The following DCHS1 variants were observed in gnomAD, a reference collection of about 807,000 sequenced individuals.
DCHS1 encodes the protein dachsous cadherin-related 1, also known as protocadherin-16.
In DCHS1, 78 loss-of-function variants were observed where a neutral mutation model predicts 213.9. The ratio of observed to expected loss-of-function variants is 0.36; its 90% CI spans 0.30 to 0.44. The LOEUF is 0.44. Among genes scored for constraint, DCHS1 ranks in the 20% least tolerant of loss-of-function variants. DCHS1 has a pLI of 1.00. For synonymous variants in DCHS1, 1,828 were observed against 1,873.7 expected (o/e 0.98, Z 0.63); for missense variants, 3,946 against 4,395.9 (o/e 0.90, Z 2.89).
Position 6,623,347 on chromosome 11 carries a change from G to T in DCHS1, c.8329C>A (p.His2777Asn). The T allele has an allele frequency of 6.3e-7, 1 of 1,596,472 alleles. No individual in the cohort carries two copies. Residue 2777 changes from histidine (H) to asparagine (N), a missense_variant, in exon 21 of 21, where the codon CAC (histidine) becomes AAC (asparagine). Physicochemically the swap from His to Asn is moderately conservative, Grantham distance 68. Coordinates refer to ENST00000299441, the MANE Select transcript of DCHS1 (RefSeq NM_003737.4). ...ACCAGCAGCCGGAAGCTTTCTGTGT[G>T]CTCATAGTCAAAGGGCACTCGCGCA... ...LRARVPFDYEHTESFRLLVGA... is the reference protein window; with the variant it reads ...LRARVPFDYENTESFRLLVGA...
At position 6,641,025 on chromosome 11, in the gene DCHS1, G is replaced by A; in HGVS notation, c.589C>T (p.Pro197Ser). 3 of 1,613,998 alleles carry A rather than the reference G, an allele frequency of 1.9e-6. No homozygotes were observed. Among genetic ancestry groups the A allele is most frequent in the Non-Finnish European group, 2.5e-6 (3 of 1,179,896 alleles). Residue 197 changes from proline to serine, a missense_variant, in exon 2 of 21, where the codon CCC becomes TCC. Pro to Ser is a moderately conservative substitution (Grantham distance 74). Around this residue, in one of 3 missense-constraint regions of DCHS1, gnomAD observed 3,384 missense variants for 3,780.1 expected, o/e 0.90. Transcript: ENST00000299441. The surrounding 1 kb of genome is among the most constrained non-coding windows in gnomAD (Gnocchi z 7.1). ...AGETFRLETR[P>S]GPDGTPVPEL... ...GGTACTGGAGTCCCATCTGGACCGGGGCGTGTCTCCAGCCGGAAGGTCTCT... is the reference window on the plus strand; with the variant it reads ...GGTACTGGAGTCCCATCTGGACCGGAGCGTGTCTCCAGCCGGAAGGTCTCT...
At chr11:6,648,590 TG>T (rs1856200769) in intron 1 of DCHS1, among the ~76,000 whole-genome samples, 1 of 152,174 alleles carries the variant, frequency 6.6e-6, no homozygotes, top group South Asian at 2.1e-4. Flanking sequence ...CACCAATACA[TG>T]CTTACTACAC....
chr11:6,624,491 C>G (rs1855761631), intron 20 of DCHS1, 101 bp from the exon 21 acceptor site: 1 of 1,381,512 alleles, frequency 7.2e-7, no homozygotes, highest in South Asian at 1.4e-5. Context: ...GGAAGTCAGA[C>G]TCAGGGAATG....
At position 6,629,861 on chromosome 11, in the gene DCHS1, C is replaced by T. The variant is rs779300715; in HGVS notation, c.4846G>A (p.Val1616Ile). The T allele has an allele frequency of 1.9e-6, 3 of 1,612,920 alleles. No individual in the cohort carries two copies. Among genetic ancestry groups the T allele is most frequent in the African/African-American group, 2.7e-5 (2 of 74,950 alleles). ...PLDREQRAEH[V>I]LTVVASDHGS... ...TGGTCTGAGGCCACCACTGTCAGTA[C>T]GTGCTCAGCTCGTTGTTCGCGGTCC... is the stretch of plus-strand genomic sequence containing the variant. The change falls in exon 11 of 21, where the codon GTA becomes ATA. Residue 1616 changes from valine to isoleucine, a missense_variant. Coordinates refer to ENST00000299441, the MANE Select transcript of DCHS1 (RefSeq NM_003737.4).
Position 6,624,343 on chromosome 11 carries a change from A to T in DCHS1, c.7333T>A (p.Ser2445Thr), listed in dbSNP as rs1183733952. The T allele has an allele frequency of 1.9e-6, 3 of 1,580,524 alleles. No homozygotes were observed. Among genetic ancestry groups the T allele is most frequent in the Non-Finnish European group, 2.6e-6 (3 of 1,163,664 alleles). Residue 2445 changes from serine to threonine, a missense_variant, in exon 21 of 21, where the codon TCA becomes ACA. By Grantham distance (58) the Ser-to-Thr change is moderately conservative. Coordinates refer to ENST00000299441, the MANE Select transcript of DCHS1 (RefSeq NM_003737.4). ...VGTVALGHDG[S>T]GAVDVVLEAR... is the part of the protein sequence containing the mutation. The stretch of plus-strand genomic sequence containing the variant: ...TCCAGCACCACATCCACTGCTCCTG[A>T]CCCGTCATGGCCCAAGGCCACTGTT...
chr11:6,636,101 A>C (rs1855982238), intron 2 of DCHS1, among the ~76,000 whole-genome samples: 1 of 152,218 alleles, frequency 6.6e-6, no homozygotes, highest in Admixed American at 6.5e-5. Flanking sequence ...AAAGACACTT[A>C]TCTGTGAACT....
At chr11:6,636,097 A>G (rs1855982196) in intron 2 of DCHS1, among the ~76,000 whole-genome samples, 1 of 152,178 alleles carries the variant, frequency 6.6e-6, no homozygotes, top group South Asian at 2.1e-4. Context: ...AAAGAAAGAC[A>G]CTTATCTGTG....
intron 1 of DCHS1, among the ~76,000 whole-genome samples, chr11:6,646,303 A>G (rs1176857669): frequency 2.0e-5 from 3 of 152,120 alleles, no homozygotes; most frequent in African/African-American, 7.2e-5. Context: ...TGTGACCTCC[A>G]GGTCCCTGGG....
At chr11:6,648,709 G>C (rs773010699) in intron 1 of DCHS1, among the ~76,000 whole-genome samples, 1 of 152,150 alleles carries the variant, frequency 6.6e-6, no homozygotes, top group Admixed American at 6.5e-5. Context: ...TTCACTTACT[G>C]GCTGTGTGAC....
intron 1 of DCHS1, among the ~76,000 whole-genome samples, chr11:6,648,253 G>C (rs960573625): frequency 1.3e-5 from 2 of 152,196 alleles, no homozygotes; most frequent in Non-Finnish European, 2.9e-5. Flanking sequence ...AGAGTGAGCA[G>C]AGAGTCTTGG....
chr11:6,627,072 T>C lies in DCHS1; in HGVS notation c.5967A>G (p.Glu1989=). 6.2e-7 allele frequency: 1 copy of C among 1,613,488 alleles called. No homozygotes were observed. Among genetic ancestry groups the C allele is most frequent in the South Asian group, 1.1e-5 (1 of 91,086 alleles). ...PTLALATLRA[E]DRDAGANASI... The stretch of plus-strand genomic sequence containing the variant: ...AAGCATTGGCACCAGCATCACGATC[T>C]TCAGCTCTCAGTGTGGCCAGAGCCA... Residue 1989 remains glutamate (E), a synonymous_variant, in exon 14 of 21, where the codon GAA becomes GAG. Coordinates refer to ENST00000299441, the MANE Select transcript of DCHS1 (RefSeq NM_003737.4). This position sits in a 1 kb window ranked among gnomAD's most constrained non-coding sequence, Gnocchi z 5.4.
chr11:6,626,001 C>A lies in DCHS1; in HGVS notation c.6650G>T (p.Arg2217Leu). The change falls in exon 17 of 21, where the codon CGT becomes CTT. Residue 2217 changes from arginine (R) to leucine (L), a missense_variant. Arg to Leu is a moderately radical substitution (Grantham distance 102). Around this residue, in one of 3 missense-constraint regions of DCHS1, gnomAD observed 3,384 missense variants for 3,780.1 expected, o/e 0.90. Transcript: ENST00000299441. The surrounding 1 kb of genome is among the most constrained non-coding windows in gnomAD (Gnocchi z 5.2). ...GGTTGGGTCTACGTGGAACAATCCA[C>A]GTGCCGGCTGGGATGCAGCCAGACT... Reference protein sequence around the residue: ...SYSLAASQPARGLFHVDPTTG... With the variant: ...SYSLAASQPALGLFHVDPTTG... The A allele has an allele frequency of 2.5e-6, 4 of 1,613,124 alleles. No homozygotes were observed. Among genetic ancestry groups the A allele is most frequent in the Non-Finnish European group, 3.4e-6 (4 of 1,179,524 alleles).
At position 6,634,167 on chromosome 11, in the gene DCHS1, C is replaced by T. The variant is rs1385876990; in HGVS notation, c.1937G>A (p.Arg646His). 20 of 1,611,780 alleles carry T rather than the reference C, an allele frequency of 1.2e-5. No homozygotes were observed. The highest frequency in any genetic ancestry group is 4.4e-5 in the South Asian group (4 of 90,928). The change falls in exon 3 of 21, where the codon CGT becomes CAT. Residue 646 changes from arginine (R) to histidine (H), a missense_variant. Physicochemically the swap from Arg to His is conservative, Grantham distance 29. This residue lies in a region of DCHS1 where 3,384 missense variants were observed against 3,780.1 expected (regional missense o/e 0.90). Coordinates refer to ENST00000299441, the MANE Select transcript of DCHS1 (RefSeq NM_003737.4). The part of the protein sequence containing the change: ...GDVCTTRTLD[R>H]DQGPSSFDFT... Reference sequence around the variant, plus strand: ...GTCAAAGCTTGAGGGCCCCTGGTCACGGTCCAGGGTCCGGGTTGTGCACAC... The same window carrying T: ...GTCAAAGCTTGAGGGCCCCTGGTCATGGTCCAGGGTCCGGGTTGTGCACAC...
rs565917954 is a variant in DCHS1, at chr11:6,646,656, C to T, written c.-120-4923G>A. Among the ~76,000 whole-genome samples, 36 of 152,306 alleles carry T rather than the reference C, an allele frequency of 2.4e-4. 1 individual carries two copies. The highest frequency in any genetic ancestry group is 6.8e-3 in the Middle Eastern group (2 of 294). On this transcript the variant is annotated intron_variant, in intron 1 of 20. Transcript: ENST00000299441. ...TCTCCCACCTGATTCTGCCTTGCTA[C>T]GTGCCCTCACTCTGTCCCCGGTCCT...
At position 6,639,703 on chromosome 11, in the gene DCHS1, C is replaced by G. The variant is rs1427932941; in HGVS notation, c.1797+114G>C. 12 of 908,572 alleles carry G rather than the reference C, an allele frequency of 1.3e-5. No homozygotes were observed. The Admixed American group carries it at 3.4e-4, about 26-fold the overall frequency. 56.3% of individuals were successfully genotyped at this position (908,572 alleles called of 1,614,324 possible). ...AGCTTACAACATAGGGCAGAACCCTCTAGCATAAGTCACCATCAACAGATG... is the reference window on the plus strand; with the variant it reads ...AGCTTACAACATAGGGCAGAACCCTGTAGCATAAGTCACCATCAACAGATG... On this transcript the variant is annotated intron_variant, in intron 2 of 20. Coordinates refer to ENST00000299441, the MANE Select transcript of DCHS1 (RefSeq NM_003737.4).
In DCHS1 at chr11:6,631,316, A is replaced by G. The variant is rs1258469423; in HGVS notation, c.3767T>C (p.Leu1256Pro). The change falls in exon 8 of 21, where the codon CTA becomes CCA. Residue 1256 changes from leucine (L) to proline (P), a missense_variant. Leu to Pro is a moderately conservative substitution (Grantham distance 98, BLOSUM62 -3). Coordinates refer to ENST00000299441, the MANE Select transcript of DCHS1 (RefSeq NM_003737.4). ...TCCTCTCTCCACTCCCATACCAGTT[A>G]GCGTGTACAAGATGGTCCCATTCTC... Reference protein sequence around the residue: ...EGENGTILYTLTGPGSELFSL... With the variant: ...EGENGTILYTPTGPGSELFSL... 6.2e-7 allele frequency: 1 copy of G among 1,613,874 alleles called. No homozygotes were observed. The highest frequency in any genetic ancestry group is 1.3e-5 in the African/African-American group (1 of 74,916).
Position 6,626,232 on chromosome 11 carries a change from G to C in DCHS1, c.6513C>G (p.Phe2171Leu). 7 of 1,612,096 alleles carry C rather than the reference G, an allele frequency of 4.3e-6. No homozygotes were observed. The highest frequency in any genetic ancestry group is 5.9e-6 in the Non-Finnish European group (7 of 1,179,110). ...GGAAGGCCACATAATGGGGCCGCAGGAAACGGGGAGCATTGTCGTTGGCAT... is the reference window on the plus strand; with the variant it reads ...GGAAGGCCACATAATGGGGCCGCAGCAAACGGGGAGCATTGTCGTTGGCAT... The part of the protein sequence containing the change: ...LQDANDNAPR[F>L]LRPHYVAFLP... The change falls in exon 16 of 21, where the codon TTC becomes TTG. Residue 2171 changes from phenylalanine (F) to leucine (L), a missense_variant. Coordinates refer to ENST00000299441, the MANE Select transcript of DCHS1 (RefSeq NM_003737.4). The surrounding 1 kb of genome is among the most constrained non-coding windows in gnomAD (Gnocchi z 5.2).
chr11:6,630,432 C>T lies in DCHS1; in HGVS notation c.4362G>A (p.Ala1454=). ...CGTCCGACGCGCGGAAAGTGTACAG[C>T]GCTGCGCCGGGCTCCGGGTTCTCTG... ...ALPENPEPGA[A]LYTFRASDAD... is the part of the protein sequence containing the mutation. Residue 1454 remains alanine, a synonymous_variant, in exon 10 of 21, where the codon GCG becomes GCA. Transcript: ENST00000299441. 5.3e-6 allele frequency: 8 copies of T among 1,500,408 alleles called. No individual in the cohort carries two copies. The highest frequency in any genetic ancestry group is 3.6e-5 in the South Asian group (3 of 82,416). 92.9% of individuals were successfully genotyped at this position (1,500,408 alleles called of 1,614,324 possible).
Position 6,625,423 on chromosome 11 carries a change from G to A in DCHS1, c.6921C>T (p.Pro2307=), listed in dbSNP as rs146255712. 5.8e-5 allele frequency: 93 copies of A among 1,603,396 alleles called. No individual in the cohort carries two copies. The highest frequency in any genetic ancestry group is 1.0e-4 in the Admixed American group (6 of 58,200). Residue 2307 remains proline (P), a synonymous_variant, in exon 19 of 21, where the codon CCC becomes CCT. Transcript: ENST00000299441. The surrounding 1 kb of genome is among the most constrained non-coding windows in gnomAD (Gnocchi z 5.3). Reference sequence around the variant, plus strand: ...ATGGGCTTAGCACATACCACAGCACGGGTCCTGAGTCCACATCATTCCCTG... The same window carrying A: ...ATGGGCTTAGCACATACCACAGCACAGGTCCTGAGTCCACATCATTCCCTG... The part of the protein sequence containing the change: ...QVTGNDVDSG[P]VLWYVLSPSG...
Sources: gnomAD v4.1 joint callset for allele counts (sites outside exome capture counted in the v4.1 genomes callset) on GRCh38, gnomAD v4.1.1 for gene constraint, gnomAD v4.1.1 regional missense constraint, Gnocchi (gnomAD v3.1) non-coding constraint, MANE v1.5 for transcripts, NCBI Gene and HGNC (gene_info 2026-07-23, HGNC 2026-07-21) for gene names.